Variants in MCM3AP observed in about 807,000 individuals in gnomAD.
MCM3AP encodes the protein minichromosome maintenance complex component 3 associated protein.
In MCM3AP, 126 loss-of-function variants were observed where a neutral mutation model predicts 184.1. That is an observed-to-expected ratio of 0.68 (90% CI 0.59 to 0.79). MCM3AP has a LOEUF of 0.79. Among genes scored for constraint, MCM3AP ranks in the 30% least tolerant of loss-of-function variants. The pLI is 0.00. For missense variants in MCM3AP, 2,496 were observed against 2,479.2 expected (o/e 1.01, Z -0.14); for synonymous variants, 1,002 against 979.3 (o/e 1.02, Z -0.43).
intron 4 of MCM3AP, among the ~76,000 whole-genome samples, chr21:46,278,705 G>A (rs138485470): frequency 5.3e-5 from 8 of 151,262 alleles, no homozygotes; most frequent in African/African-American, 1.9e-4. Flanking sequence ...ATGGGGTCTC[G>A]CTCTGTTGCC....
intron 4 of MCM3AP, among the ~76,000 whole-genome samples, chr21:46,278,877 A>G (rs928932278): frequency 1.1e-4 from 16 of 150,666 alleles, no homozygotes; most frequent in Admixed American, 4.7e-4. Flanking sequence ...GTTTCACCAT[A>G]TCAGCCAGGA....
chr21:46,266,563 GTTTCTGAGAGA>G, intron 10 of MCM3AP: 1 of 236,134 alleles, frequency 4.2e-6, no homozygotes, highest in Admixed American at 5.2e-5. Context: ...TAAGCTGCCA[GTTTCTGAGAGA>G]GCGTCTGTGA....
intron 19 of MCM3AP, 151 bp downstream of exon 19, chr21:46,254,241 G>GACCAAA: frequency 1.3e-6 from 1 of 795,344 alleles, no homozygotes; most frequent in Non-Finnish European, 2.0e-6. Flanking sequence ...TTAAAATCAT[G>GACCAAA]AGCAAAACAG....
chr21:46,237,220 G>A (rs1014594222), intron 26 of MCM3AP, among the ~76,000 whole-genome samples: 1 of 150,332 alleles, frequency 6.7e-6, no homozygotes, highest in East Asian at 2.0e-4. Context: ...TCCTGCGTCA[G>A]CCTCCTGAGT....
At chr21:46,264,794 C>T (rs796874164) in intron 12 of MCM3AP, among the ~76,000 whole-genome samples, 3 of 272 alleles carry the variant, frequency 0.011, no homozygotes, top group African/African-American at 0.036. Flanking sequence ...GGGGCACAGC[C>T]ACCCCAGCCA....
At position 46,283,819 on chromosome 21, in the gene MCM3AP, C is replaced by G. The variant is rs139966669; in HGVS notation, c.1239G>C (p.Pro413=). 6.2e-7 allele frequency: 1 copy of G among 1,613,234 alleles called. No homozygotes were observed. The highest frequency in any genetic ancestry group is 1.3e-5 in the African/African-American group (1 of 75,006). The change falls in exon 2 of 28, where the codon CCG becomes CCC. Residue 413 remains proline (P), a synonymous_variant. Transcript: ENST00000291688. The part of the protein sequence containing the change: ...EKKEDSLRGT[P]ARQSNRSEST... ...TCTCGCTTCTGTTACTCTGACGCGC[C>G]GGAGTTCCTCTTAGAGAATCTAGGG...
In MCM3AP at chr21:46,280,003, G is replaced by C; in HGVS notation, c.1657C>G (p.Leu553Val). The change falls in exon 4 of 28, where the codon CTG becomes GTG. Residue 553 changes from leucine (L) to valine (V), a missense_variant. By Grantham distance (32) the Leu-to-Val change is conservative. Transcript: ENST00000291688. ...AGGGACCGATCCCACCTTTTATTCA[G>C]GAGGCTGCTAGCACCAGTCCTCCCT... ...AAGRTGASSL[L>V]NKSSPVKKPS... 2 of 1,611,548 alleles carry C rather than the reference G, an allele frequency of 1.2e-6. No individual in the cohort carries two copies. The highest frequency in any genetic ancestry group is 1.7e-6 in the Non-Finnish European group (2 of 1,179,210).
In MCM3AP at chr21:46,245,068, TTC is replaced by T; in HGVS notation, c.4775_4776del (p.Arg1592LysfsTer18). 1 of 1,614,210 alleles carries T rather than the reference TTC, an allele frequency of 6.2e-7. No individual in the cohort carries two copies. The highest frequency in any genetic ancestry group is 8.5e-7 in the Non-Finnish European group (1 of 1,180,036). On this transcript the variant is annotated frameshift_variant, in exon 23 of 28. Coordinates refer to ENST00000291688, the MANE Select transcript of MCM3AP (RefSeq NM_003906.5). LOFTEE classifies it high-confidence loss of function. ...HEFSGRFFHD[R>X]RERRLGGLAS... ...GCAAGACCGCCCAGACGCCTCTCTCTTCTGTCATGGAAAAAGCGGCCACTAAA... is the reference window on the plus strand; with the variant it reads ...GCAAGACCGCCCAGACGCCTCTCTCTTGTCATGGAAAAAGCGGCCACTAAA...
chr21:46,254,308 A>T, intron 19 of MCM3AP, 84 bp downstream of exon 19: 2 of 1,477,974 alleles, frequency 1.4e-6, no homozygotes, highest in Non-Finnish European at 1.9e-6. Flanking sequence ...CATCACACAT[A>T]AGAGGAATAC....
Position 46,258,995 on chromosome 21 carries a change from G to C in MCM3AP, c.3678C>G (p.Phe1226Leu), listed in dbSNP as rs751701762. 6.2e-6 allele frequency: 10 copies of C among 1,613,986 alleles called. No homozygotes were observed. Among genetic ancestry groups the C allele is most frequent in the South Asian group, 1.1e-5 (1 of 91,084 alleles). ...LVDLFLVEEI[F>L]QTAKETLQEL... ...CCTGGAGGGTCTCCTTTGCAGTCTG[G>C]AAGATTTCCTCCACGAGAAACAAGT... The change falls in exon 16 of 28, where the codon TTC becomes TTG. Residue 1226 changes from phenylalanine (F) to leucine (L), a missense_variant. Coordinates refer to ENST00000291688, the MANE Select transcript of MCM3AP (RefSeq NM_003906.5).
At chr21:46,251,034 T>TAA (rs2080859728) in intron 20 of MCM3AP, 1 of 152,286 alleles carries the variant, frequency 6.6e-6, no homozygotes, top group African/African-American at 2.4e-5. Flanking sequence ...TGGCATTATT[T>TAA]GACTTCTTTT....
chr21:46,237,084 T>C (rs2080547469), intron 26 of MCM3AP, 105 bp from the exon 27 acceptor site: 1 of 489,732 alleles, frequency 2.0e-6, no homozygotes, highest in African/African-American at 2.1e-5. Context: ...CCTTTGCTTT[T>C]TTAAAATTTT....
At chr21:46,240,330 C>G (rs2080637407) in intron 26 of MCM3AP, among the ~76,000 whole-genome samples, 1 of 152,068 alleles carries the variant, frequency 6.6e-6, no homozygotes, top group Non-Finnish European at 1.5e-5. Flanking sequence ...CCTGATTCTA[C>G]TCAGTAAAAT....
intron 9 of MCM3AP, among the ~76,000 whole-genome samples, chr21:46,269,016 C>T (rs1569074307): frequency 6.6e-6 from 1 of 152,104 alleles, no homozygotes; most frequent in African/African-American, 2.4e-5. Flanking sequence ...CCAGCCTGGG[C>T]AACAGAGCGA....
chr21:46,283,910 G>A, intron 1 of MCM3AP, 72 bp from the exon 2 acceptor site: 2 of 1,550,238 alleles, frequency 1.3e-6, no homozygotes, highest in East Asian at 2.3e-5. Flanking sequence ...CTGTGTCGAA[G>A]CAGAGGAAAT....
chr21:46,250,726 A>C (rs185875399), intron 20 of MCM3AP: 1 of 152,312 alleles, frequency 6.6e-6, no homozygotes, highest in East Asian at 1.9e-4. Context: ...TTTCATTTCC[A>C]CCCATGAGAA....
intron 13 of MCM3AP, among the ~76,000 whole-genome samples, chr21:46,263,381 A>C (rs1236237611): frequency 4.6e-5 from 7 of 152,162 alleles, no homozygotes; most frequent in African/African-American, 1.7e-4. Flanking sequence ...TAGGAGGCAA[A>C]AACTTTATAC....
At chr21:46,241,290 C>T (rs2080660024) in intron 25 of MCM3AP, 1 of 354,706 alleles carries the variant, frequency 2.8e-6, no homozygotes, top group Non-Finnish European at 5.1e-6. Flanking sequence ...TTGGAAGCTT[C>T]TGCTCTCAAG....
chr21:46,263,135 C>T (rs2081063026), intron 13 of MCM3AP, among the ~76,000 whole-genome samples: 1 of 151,662 alleles, frequency 6.6e-6, no homozygotes, highest in Non-Finnish European at 1.5e-5. Flanking sequence ...CGAGACCATC[C>T]TGGCTAATAA....
Sources: gnomAD v4.1 joint callset for allele counts (sites outside exome capture counted in the v4.1 genomes callset) on GRCh38, gnomAD v4.1.1 for gene constraint, MANE v1.5 for transcripts, NCBI Gene and HGNC (gene_info 2026-07-23, HGNC 2026-07-21) for gene names.